The following HPSE2 variants were observed in gnomAD, a reference collection of about 807,000 sequenced individuals.
The protein encoded by HPSE2 is heparanase 2 (inactive), also known as inactive heparanase-2.
HPSE2 carries 38 observed loss-of-function variants against 60.5 expected under a neutral mutation model. The observed-to-expected ratio is 0.63, with a 90% confidence interval of 0.48 to 0.82. The LOEUF (loss-of-function observed/expected upper bound fraction) is 0.82, where lower values mean the gene tolerates loss of function less well. Ranked by LOEUF, HPSE2 falls within the 40% of genes least tolerant of loss-of-function variation. The pLI, the probability that HPSE2 is intolerant of heterozygous loss-of-function variation, is 0.00. For missense variants in HPSE2, 713 were observed against 740.4 expected (o/e 0.96, Z 0.43); for synonymous variants, 295 against 293.2 (o/e 1.01, Z -0.06).
chr10:98,476,929 GA>G (rs1235239460), intron 11 of HPSE2, among the ~76,000 whole-genome samples: 1 of 152,188 alleles, frequency 6.6e-6, no homozygotes. Flanking sequence ...AGCCTATGAT[GA>G]AATGAACCCA....
intron 3 of HPSE2, among the ~76,000 whole-genome samples, chr10:98,992,696 C>A (rs186895271): frequency 5.3e-4 from 80 of 152,230 alleles, no homozygotes; most frequent in African/African-American, 1.8e-3. Context: ...AAAGGAGGCA[C>A]AAAGTACTTA....
At chr10:99,215,363 C>G (rs1849084929) in intron 2 of HPSE2, among the ~76,000 whole-genome samples, 1 of 152,170 alleles carries the variant, frequency 6.6e-6, no homozygotes, top group Non-Finnish European at 1.5e-5. Context: ...AACACAGGAT[C>G]AGAAAACCAA....
intron 3 of HPSE2, among the ~76,000 whole-genome samples, chr10:98,855,054 C>T (rs1952277472): frequency 6.6e-6 from 1 of 152,062 alleles, no homozygotes. Flanking sequence ...TAAAAAATCT[C>T]AGGGCAACCA....
At chr10:98,781,063 T>C (rs867109199) in intron 3 of HPSE2, among the ~76,000 whole-genome samples, 1 of 152,030 alleles carries the variant, frequency 6.6e-6, no homozygotes, top group Non-Finnish European at 1.5e-5. Flanking sequence ...TCACGATATG[T>C]AGGAAGCCTG....
chr10:98,607,268 G>GC (rs34123454), intron 9 of HPSE2, among the ~76,000 whole-genome samples: 11,529 of 152,150 alleles, frequency 0.076, 460 homozygotes, highest in Middle Eastern at 0.15. Context: ...CTCAAGTGCA[G>GC]CAAGACTATA....
At chr10:98,816,204 T>G (rs186253392) in intron 3 of HPSE2, among the ~76,000 whole-genome samples, 1 of 152,066 alleles carries the variant, frequency 6.6e-6, no homozygotes, top group African/African-American at 2.4e-5. Context: ...TAAAAAAAGA[T>G]TTAAAATGCA....
At chr10:98,938,683 T>C (rs1480003212) in intron 3 of HPSE2, among the ~76,000 whole-genome samples, 1 of 143,930 alleles carries the variant, frequency 6.9e-6, no homozygotes, top group Non-Finnish European at 1.5e-5. Context: ...CCAGGAGAAC[T>C]TCCCCAATCT....
intron 9 of HPSE2, among the ~76,000 whole-genome samples, chr10:98,556,750 G>C (rs1326544696): frequency 2.6e-5 from 4 of 152,188 alleles, no homozygotes; most frequent in Non-Finnish European, 5.9e-5. Context: ...TTAAACTACA[G>C]ATTCAATGCA....
intron 3 of HPSE2, among the ~76,000 whole-genome samples, chr10:98,862,570 G>C (rs1283521115): frequency 6.6e-6 from 1 of 152,132 alleles, no homozygotes; most frequent in Non-Finnish European, 1.5e-5. Flanking sequence ...CTGCAGTTCT[G>C]TTCTCTCATG....
chr10:98,878,963 A>G (rs1393403795), intron 3 of HPSE2, among the ~76,000 whole-genome samples: 1 of 152,008 alleles, frequency 6.6e-6, no homozygotes, highest in East Asian at 1.9e-4. Context: ...AGGGAAGTCA[A>G]GAATGACTTC....
chr10:98,647,802 T>C (rs925512729), intron 6 of HPSE2, among the ~76,000 whole-genome samples: 1 of 152,188 alleles, frequency 6.6e-6, no homozygotes, highest in African/African-American at 2.4e-5. Flanking sequence ...TATCTTGTGT[T>C]TCAGAACTGC....
chr10:98,910,760 C>T (rs940519449), intron 3 of HPSE2, among the ~76,000 whole-genome samples: 2 of 152,046 alleles, frequency 1.3e-5, no homozygotes, highest in Non-Finnish European at 2.9e-5. Context: ...GAACTCATGT[C>T]GGCTGATCAT....
intron 9 of HPSE2, among the ~76,000 whole-genome samples, chr10:98,577,721 T>C (rs1229032339): frequency 1.3e-5 from 2 of 152,160 alleles, no homozygotes; most frequent in African/African-American, 4.8e-5. Flanking sequence ...TGAAATTCAT[T>C]TGGGACCTGC....
rs191162849 is a variant in HPSE2, at chr10:99,140,372, T to C, written c.610+3866A>G. 1.3e-4 allele frequency among the ~76,000 whole-genome samples: 20 copies of C among 152,298 alleles called. No individual in the cohort carries two copies. In the East Asian group the frequency reaches 3.9e-3, roughly 29 times the overall value. On this transcript the variant is annotated intron_variant, in intron 3 of 11. Coordinates refer to ENST00000370552, the MANE Select transcript of HPSE2 (RefSeq NM_021828.5). ...TTAGAAAGTGTCTTGTGTAATGCCA[T>C]CCATCTATAATTATTGGCTACAGTT...
At chr10:99,144,968 T>G (rs1845995345) in intron 2 of HPSE2, among the ~76,000 whole-genome samples, 1 of 152,224 alleles carries the variant, frequency 6.6e-6, no homozygotes, top group South Asian at 2.1e-4. Flanking sequence ...AATAGTTTAA[T>G]TCTGACTTAA....
intron 3 of HPSE2, among the ~76,000 whole-genome samples, chr10:98,816,877 TTTTTA>T (rs987107724): frequency 5.3e-5 from 8 of 152,258 alleles, no homozygotes; most frequent in African/African-American, 1.9e-4. Context: ...TTTTTTTTTA[TTTTTA>T]TTTTATTTTT....
intron 3 of HPSE2, among the ~76,000 whole-genome samples, chr10:99,079,535 T>G (rs1268740745): frequency 1.3e-5 from 2 of 152,160 alleles, no homozygotes; most frequent in East Asian, 3.9e-4. Flanking sequence ...CTATTCACTC[T>G]GTGCTGAGCT....
chr10:98,607,511 T>C (rs1945627853), intron 9 of HPSE2, among the ~76,000 whole-genome samples: 1 of 152,214 alleles, frequency 6.6e-6, no homozygotes, highest in Admixed American at 6.5e-5. Context: ...CTGGGGCTAG[T>C]ATTGCAGCCT....
At position 98,663,346 on chromosome 10, in the gene HPSE2, GA is replaced by G. The variant is rs539864076; in HGVS notation, c.1005-21407del. The stretch of plus-strand genomic sequence containing the variant: ...CATGGAACTTATATTCTAGAAGGGT[GA>G]AAAAAACCTAATAAGGGACTCATAT... On this transcript the variant is annotated intron_variant, in intron 6 of 11. Coordinates refer to ENST00000370552, the MANE Select transcript of HPSE2 (RefSeq NM_021828.5). Among the ~76,000 whole-genome samples, 13 of 152,000 alleles carry G rather than the reference GA, an allele frequency of 8.6e-5. No individual in the cohort carries two copies. The East Asian group carries it at 2.3e-3, about 27-fold the overall frequency.
Sources: allele counts gnomAD v4.1 joint callset (sites outside exome capture counted in the v4.1 genomes callset), GRCh38; gene constraint gnomAD v4.1.1; transcripts MANE v1.5; gene names NCBI Gene and HGNC (gene_info 2026-07-23, HGNC 2026-07-21).